ZNF132: variants seen among roughly 807,000 people sequenced by gnomAD.
ZNF132 encodes zinc finger protein 132.
A neutral mutation model predicts 9.3 loss-of-function variants in ZNF132; 6 were observed. The ratio of observed to expected loss-of-function variants is 0.65; its 90% CI spans 0.35 to 1.28. The LOEUF (loss-of-function observed/expected upper bound fraction) is 1.28. Ranked by LOEUF, ZNF132 falls within the 50% of genes most tolerant of loss-of-function variation. The pLI is 0.03. For synonymous variants in ZNF132, 296 were observed against 292.0 expected, an observed-to-expected ratio of 1.01 and a Z score of -0.14; for missense variants, 877 against 843.2, an observed-to-expected ratio of 1.04 and a Z score of -0.50.
chr19:58,435,038 G>A lies in ZNF132; in HGVS notation c.406C>T (p.Gln136Ter), dbSNP rs1351099113. The A allele has an allele frequency of 3.7e-6, 6 of 1,614,140 alleles. No individual in the cohort carries two copies. Among genetic ancestry groups the A allele is most frequent in the Non-Finnish European group, 5.1e-6 (6 of 1,180,032 alleles). ...CATGTGTAGGGTTTCTCCTCAGACT[G>A]TGTTCCCTGATGCTCAGCCAGGTGC... is the stretch of plus-strand genomic sequence containing the variant. ...ILHLAEHQGTQSEEKPYTCGA... is the reference protein window; with the variant it reads ...ILHLAEHQGT The change falls in exon 3 of 3, where the codon CAG becomes TAG. Residue 136 changes from glutamine (Q) to a stop codon, truncating the protein, a stop_gained. Transcript: ENST00000254166. LOFTEE classifies it low-confidence loss of function (END_TRUNC).
rs1228873049 is a variant in ZNF132 at position 58,434,622 on chromosome 19, C to T, written c.822G>A (p.Glu274=). 3 of 1,614,058 alleles carry T rather than the reference C, an allele frequency of 1.9e-6. No homozygotes were observed. The highest frequency in any genetic ancestry group is 2.5e-6 in the Non-Finnish European group (3 of 1,180,034). The change falls in exon 3 of 3, where the codon GAG becomes GAA. Residue 274 remains glutamate (E), a synonymous_variant. Coordinates refer to ENST00000254166, the MANE Select transcript of ZNF132 (RefSeq NM_003433.4). ...TTTTATTACCAAGGATTGATTTCTC[C>T]TCTAAGAAATTTCCACCTGTTGGGC... ...FTCPTGGNFL[E]EKSILGNKKF...
chr19:58,439,755 T>C lies in ZNF132; in HGVS notation c.63+4A>G, dbSNP rs775340773. 6.5e-7 allele frequency: 1 copy of C among 1,534,562 alleles called. No homozygotes were observed. The highest frequency in any genetic ancestry group is 8.8e-7 in the Non-Finnish European group (1 of 1,140,314). ...GGTGAGGGCCTGGGGCACACTCCACTTACCTGCGCCGGGCCCATCAGCAAC... is the reference window on the plus strand; with the variant it reads ...GGTGAGGGCCTGGGGCACACTCCACCTACCTGCGCCGGGCCCATCAGCAAC... On this transcript the variant is annotated splice_donor_region_variant and intron_variant, in intron 1 of 2. Coordinates refer to ENST00000254166, the MANE Select transcript of ZNF132 (RefSeq NM_003433.4).
Position 58,433,157 on chromosome 19 carries a change from G to A in ZNF132, c.*166C>T, listed in dbSNP as rs2052751805. The A allele has an allele frequency of 1.4e-6, 1 of 707,502 alleles. No homozygotes were observed. Among genetic ancestry groups the A allele is most frequent in the Non-Finnish European group, 2.3e-6 (1 of 434,522 alleles). 43.8% of individuals were successfully genotyped at this position (707,502 alleles called of 1,614,324 possible). A position where few individuals can be genotyped will look rare whatever the true frequency, so the allele number is the denominator to read the frequency against. On this transcript the variant is annotated 3_prime_UTR_variant, in exon 3 of 3. Transcript: ENST00000254166. ...CTTCTGCCTTATGCTGCATGGGTGA[G>A]ATGGCCCTGCAAAGGTTCCTGGGCT...
intron 2 of ZNF132, 46 bp from the exon 3 acceptor site, chr19:58,435,257 G>A: frequency 6.4e-7 from 1 of 1,568,512 alleles, no homozygotes; most frequent in South Asian, 1.2e-5. Flanking sequence ...CACTTGGTGG[G>A]AATGGTTGAC....
At chr19:58,437,629 A>G (rs766585587) in intron 1 of ZNF132, 85 of 875,408 alleles carry the variant, frequency 9.7e-5, no homozygotes, top group Non-Finnish European at 2.9e-5. Context: ...TCACCTTTAC[A>G]TGTCACTCCT....
In ZNF132 at chr19:58,433,226, G is replaced by T; in HGVS notation, c.*97C>A. Reference sequence around the variant, plus strand: ...TTCTGAAGGCTTTTCCACATTAGCAGTACATGTAGGTAATTTTTCTGGTAT... The same window carrying T: ...TTCTGAAGGCTTTTCCACATTAGCATTACATGTAGGTAATTTTTCTGGTAT... On this transcript the variant is annotated 3_prime_UTR_variant, in exon 3 of 3. Transcript: ENST00000254166. 1 of 1,304,438 alleles carries T rather than the reference G, an allele frequency of 7.7e-7. No individual in the cohort carries two copies. Among genetic ancestry groups the T allele is most frequent in the Non-Finnish European group, 1.1e-6 (1 of 943,938 alleles). The allele number at this position is 1,304,438 out of a possible 1,614,324, so 80.8% of individuals were successfully genotyped here.
At chr19:58,439,181 A>T (rs1377935447) in intron 1 of ZNF132, among the ~76,000 whole-genome samples, 1 of 152,094 alleles carries the variant, frequency 6.6e-6, no homozygotes, top group East Asian at 1.9e-4. Flanking sequence ...CTCCACGGGC[A>T]CCCCTCTGTC....
chr19:58,433,000 T>A lies in ZNF132; in HGVS notation c.*323A>T. The stretch of plus-strand genomic sequence containing the variant: ...TTCCCTCAAGGCCCCTCAACCAGCA[T>A]CGGTTCAGCTGAGCACAGTCCTGAA... On this transcript the variant is annotated 3_prime_UTR_variant, in exon 3 of 3. Coordinates refer to ENST00000254166, the MANE Select transcript of ZNF132 (RefSeq NM_003433.4). The A allele has an allele frequency of 3.1e-6, 1 of 327,560 alleles. No homozygotes were observed. Among genetic ancestry groups the A allele is most frequent in the Non-Finnish European group, 5.5e-6 (1 of 180,424 alleles). 20.3% of individuals were successfully genotyped at this position (327,560 alleles called of 1,614,324 possible).
intron 2 of ZNF132, 139 bp downstream of exon 2, chr19:58,436,908 C>A: frequency 8.5e-7 from 1 of 1,173,068 alleles, no homozygotes; most frequent in South Asian, 1.2e-5. Flanking sequence ...ACAGCAGAAC[C>A]TCAGCACCCC....
At chr19:58,437,735 G>A (rs2052781045) in intron 1 of ZNF132, 1 of 985,350 alleles carries the variant, frequency 1.0e-6, no homozygotes, top group Non-Finnish European at 1.2e-6. Context: ...CCTGACAGAT[G>A]CAACCGGGAT....
At chr19:58,439,718 G>A (rs1216813284) in intron 1 of ZNF132, 41 bp downstream of exon 1, 3 of 1,491,546 alleles carry the variant, frequency 2.0e-6, no homozygotes, top group Non-Finnish European at 2.7e-6. Flanking sequence ...CCTGAGGGCC[G>A]GAATCCCAGC....
In ZNF132 at chr19:58,437,112, T is replaced by A. The variant is rs1008813001; in HGVS notation, c.167A>T (p.Asp56Val). Reference protein sequence around the residue: ...YFSQEEWELLDAAQRHLYHSV... With the variant: ...YFSQEEWELLVAAQRHLYHSV... ...GTGGTACAGGTGCCTCTGGGCTGCA[T>A]CAAGGAGCTCCCACTCCTCTTGGGA... The change falls in exon 2 of 3, where the codon GAT becomes GTT. Residue 56 changes from aspartate (D) to valine (V), a missense_variant. Asp to Val is a radical substitution (Grantham distance 152). Transcript: ENST00000254166. 1 of 1,614,022 alleles carries A rather than the reference T, an allele frequency of 6.2e-7. No homozygotes were observed. The highest frequency in any genetic ancestry group is 1.3e-5 in the African/African-American group (1 of 74,906).
rs2052758091 is a variant in ZNF132 at position 58,434,014 on chromosome 19, T to G, written c.1430A>C (p.His477Pro). The G allele has an allele frequency of 1.2e-6, 2 of 1,614,212 alleles. No individual in the cohort carries two copies. The highest frequency in any genetic ancestry group is 1.7e-6 in the Non-Finnish European group (2 of 1,180,020). ...CCGTTCTCCAGTGTGAACTTTCTGA[T>G]GTCGAAGGAGATGGGAGCTTTGGCT... is the stretch of plus-strand genomic sequence containing the variant. Reference protein sequence around the residue: ...DFSQSSHLLRHQKVHTGERPF... With the variant: ...DFSQSSHLLRPQKVHTGERPF... Residue 477 changes from histidine (H) to proline (P), a missense_variant, in exon 3 of 3, where the codon CAT (histidine) becomes CCT (proline). His to Pro is a moderately conservative substitution (Grantham distance 77). Transcript: ENST00000254166.
chr19:58,433,540 GC>G lies in ZNF132; in HGVS notation c.1903del (p.Ala635ProfsTer107), dbSNP rs753782918. 6.2e-7 allele frequency: 1 copy of G among 1,614,144 alleles called. No homozygotes were observed. The highest frequency in any genetic ancestry group is 1.6e-4 in the Middle Eastern group (1 of 6,062). Reference protein sequence around the residue: ...RPYECSECGRAFSSNSHLVRH... With the variant: ...RPYECSECGRXFSSNSHLVRH... ...AACCAGGTGGGAGTTACTGCTAAAGGCTCTCCCACATTCACTGCATTCGTAA... is the reference window on the plus strand; with the variant it reads ...AACCAGGTGGGAGTTACTGCTAAAGGTCTCCCACATTCACTGCATTCGTAA... On this transcript the variant is annotated frameshift_variant, in exon 3 of 3. Transcript: ENST00000254166. LOFTEE classifies it low-confidence loss of function (END_TRUNC).
Position 58,439,985 on chromosome 19 carries a change from C to A in ZNF132, c.-164G>T. 1.5e-6 allele frequency: 1 copy of A among 671,214 alleles called. No individual in the cohort carries two copies. The highest frequency in any genetic ancestry group is 2.5e-6 in the Non-Finnish European group (1 of 401,808). 41.6% of individuals were successfully genotyped at this position (671,214 alleles called of 1,614,324 possible). A position where few individuals can be genotyped will look rare whatever the true frequency, so the allele number is the denominator to read the frequency against. On this transcript the variant is annotated 5_prime_UTR_variant, in exon 1 of 3. Transcript: ENST00000254166. Reference sequence around the variant, plus strand: ...ATGGAGACCCTGGAGACGCGTGGCGCTGGCTCCACTTTCGGGAACACCTTG... The same window carrying A: ...ATGGAGACCCTGGAGACGCGTGGCGATGGCTCCACTTTCGGGAACACCTTG...
chr19:58,439,729 G>C, intron 1 of ZNF132, 30 bp downstream of exon 1: 2 of 1,493,946 alleles, frequency 1.3e-6, no homozygotes, highest in African/African-American at 2.9e-5. Context: ...GAATCCCAGC[G>C]GGTGAGGGCC....
In ZNF132 at chr19:58,435,060, G is replaced by A. The variant is rs767852529; in HGVS notation, c.384C>T (p.His128=). 5 of 1,614,010 alleles carry A rather than the reference G, an allele frequency of 3.1e-6. No individual in the cohort carries two copies. Among genetic ancestry groups the A allele is most frequent in the Non-Finnish European group, 4.2e-6 (5 of 1,180,022 alleles). Residue 128 remains histidine, a synonymous_variant, in exon 3 of 3, where the codon CAC becomes CAT. Transcript: ENST00000254166. ...MCGPFLKDIL[H]LAEHQGTQSE... ...ACTGTGTTCCCTGATGCTCAGCCAG[G>A]TGCAAAATGTCTTTCAAGAATGGCC...
At chr19:58,439,699 C>T (rs571300039) in intron 1 of ZNF132, 60 bp downstream of exon 1, 1 of 1,472,862 alleles carries the variant, frequency 6.8e-7, no homozygotes, top group African/African-American at 1.5e-5. Context: ...TCTATCTGGG[C>T]TTCAGGATCC....
intron 2 of ZNF132, chr19:58,436,757 C>A (rs1247447542): frequency 1.9e-6 from 1 of 513,058 alleles, no homozygotes; most frequent in Non-Finnish European, 3.6e-6. Context: ...GGTAACCCGA[C>A]CAGGGATTGG....
Sources: gnomAD v4.1 joint callset for allele counts (sites outside exome capture counted in the v4.1 genomes callset) on GRCh38, gnomAD v4.1.1 for gene constraint, MANE v1.5 for transcripts, NCBI Gene and HGNC (gene_info 2026-07-23, HGNC 2026-07-21) for gene names.